WASHC4: variants seen among roughly 807,000 people sequenced by gnomAD.
WASHC4 encodes WASH complex subunit 7.
WASHC4 carries 86 observed loss-of-function variants against 166.6 expected under a neutral mutation model. The ratio of observed to expected loss-of-function variants is 0.52; its 90% CI spans 0.43 to 0.62. The LOEUF (loss-of-function observed/expected upper bound fraction) is 0.62. Among genes scored for constraint, WASHC4 ranks in the 20% least tolerant of loss-of-function variants. WASHC4 has a pLI of 0.00. For missense variants in WASHC4, 1,262 were observed against 1,382.4 expected, an observed-to-expected ratio of 0.91 and a Z score of 1.38; for synonymous variants, 446 against 451.6, an observed-to-expected ratio of 0.99 and a Z score of 0.16.
intron 2 of WASHC4, among the ~76,000 whole-genome samples, chr12:105,113,326 A>G (rs988447821): frequency 3.9e-5 from 6 of 152,078 alleles, no homozygotes; most frequent in Non-Finnish European, 8.8e-5. Flanking sequence ...TCTTCTAGAT[A>G]GGATTATAAA....
rs944631471 is a variant in WASHC4 at position 105,146,460 on chromosome 12, T to A, written c.2343T>A (p.Asp781Glu). The change falls in exon 23 of 33, where the codon GAT (aspartate) becomes GAA (glutamate). Residue 781 changes from aspartate (D) to glutamate (E), a missense_variant. Asp to Glu is a conservative substitution (Grantham distance 45, BLOSUM62 2). Transcript: ENST00000332180. ...TGTGTATTATGTTGTAGGGCCTTGA[T>A]GTTTTAGAAATTATGAGAAACATTC... ...LPSQTLEQGLDVLEIMRNIHI... is the reference protein window; with the variant it reads ...LPSQTLEQGLEVLEIMRNIHI... 1 of 1,573,772 alleles carries A rather than the reference T, an allele frequency of 6.4e-7. No homozygotes were observed.
At chr12:105,149,784 A>AGCT (rs766190565) in intron 25 of WASHC4, 35 bp downstream of exon 25, 11 of 1,575,486 alleles carry the variant, frequency 7.0e-6, no homozygotes, top group Non-Finnish European at 8.7e-6. Context: ...TATTTGATTA[A>AGCT]GCTATTGAGT....
At chr12:105,144,643 G>A in intron 21 of WASHC4, 75 bp from the exon 22 acceptor site, 1 of 1,268,594 alleles carries the variant, frequency 7.9e-7, no homozygotes, top group Non-Finnish European at 1.1e-6. Context: ...AGGACAAGTT[G>A]TTGTTTTTTC....
In WASHC4 at chr12:105,115,245, C is replaced by T; in HGVS notation, c.367+16C>T. ...GGAGAAGGAGGTAAGTTTAAAATTC[C>T]AAATTGTGATGCCTTTTTGATATTG... On this transcript the variant is annotated intron_variant, in intron 5 of 32. Transcript: ENST00000332180. The T allele has an allele frequency of 2.0e-6, 3 of 1,515,326 alleles. No homozygotes were observed. Among genetic ancestry groups the T allele is most frequent in the African/African-American group, 1.4e-5 (1 of 72,916 alleles). The allele number at this position is 1,515,326 out of a possible 1,614,324, so 93.9% of individuals were successfully genotyped here.
At chr12:105,110,013 A>G (rs550155156) in intron 1 of WASHC4, among the ~76,000 whole-genome samples, 3 of 152,316 alleles carry the variant, frequency 2.0e-5, no homozygotes, top group African/African-American at 7.2e-5. Flanking sequence ...GGGCAGTCTT[A>G]TATGTAAGCT....
Position 105,107,794 on chromosome 12 carries a change from C to T in WASHC4, c.-7C>T, listed in dbSNP as rs1018212353. 2 of 1,549,874 alleles carry T rather than the reference C, an allele frequency of 1.3e-6. No individual in the cohort carries two copies. The highest frequency in any genetic ancestry group is 2.0e-5 in the Admixed American group (1 of 50,986). On this transcript the variant is annotated 5_prime_UTR_variant, in exon 1 of 33. Transcript: ENST00000332180. ...TTGGGGCTGTGTCTGTGGGAGGCGC[C>T]GGGGTGATGGCGGTGGAGACTCTGT...
intron 20 of WASHC4, 116 bp from the exon 21 acceptor site, chr12:105,144,171 T>C (rs190514868): frequency 1.0e-5 from 8 of 769,518 alleles, no homozygotes; most frequent in Middle Eastern, 3.0e-4. Flanking sequence ...TTAGAATTTA[T>C]GTAACTGCTT....
Position 105,122,201 on chromosome 12 carries a change from A to G in WASHC4, c.749A>G (p.Lys250Arg), listed in dbSNP as rs771111285. 20 of 1,612,986 alleles carry G rather than the reference A, an allele frequency of 1.2e-5. No homozygotes were observed. Among genetic ancestry groups the G allele is most frequent in the Admixed American group, 6.7e-5 (4 of 60,002 alleles). Residue 250 changes from lysine (K) to arginine (R), a missense_variant, in exon 10 of 33, where the codon AAG becomes AGG. Coordinates refer to ENST00000332180, the MANE Select transcript of WASHC4 (RefSeq NM_015275.3). ...AAGCCATTTGAAAAGTTCTTGCTGA[A>G]GCTAGAAGGGCAATTACTGGATGGA... ...KLKPFEKFLL[K>R]LEGQLLDGMI...
At chr12:105,122,363 A>C in intron 10 of WASHC4, 125 bp downstream of exon 10, 1 of 967,876 alleles carries the variant, frequency 1.0e-6, no homozygotes, top group Non-Finnish European at 1.6e-6. Flanking sequence ...GCTTTGGCTT[A>C]AAATTATTGT....
chr12:105,132,580 A>G (rs941770832), intron 13 of WASHC4, among the ~76,000 whole-genome samples: 1 of 152,204 alleles, frequency 6.6e-6, no homozygotes, highest in African/African-American at 2.4e-5. Flanking sequence ...GAGATTTAGT[A>G]TTTGTAATCA....
intron 2 of WASHC4, among the ~76,000 whole-genome samples, chr12:105,113,831 A>G (rs1879915696): frequency 6.6e-6 from 1 of 151,984 alleles, no homozygotes. Flanking sequence ...ATTTATTTTG[A>G]CCCTTTAGCT....
At chr12:105,150,476 C>T (rs10861357) in intron 25 of WASHC4, among the ~76,000 whole-genome samples, 16,009 of 152,208 alleles carry the variant, frequency 0.11, 903 homozygotes, top group East Asian at 0.23. Flanking sequence ...GATATTCCCA[C>T]TGATAATTTA....
chr12:105,140,157 C>T (rs907826843), intron 15 of WASHC4, 137 bp from the exon 16 acceptor site: 1 of 677,468 alleles, frequency 1.5e-6, no homozygotes, highest in Non-Finnish European at 2.6e-6. Context: ...AGGCGTGAGC[C>T]ACCACGCCAG....
intron 9 of WASHC4, among the ~76,000 whole-genome samples, 173 bp from the exon 10 acceptor site, chr12:105,121,945 A>G (rs1880792153): frequency 6.6e-6 from 1 of 152,200 alleles, no homozygotes; most frequent in Non-Finnish European, 1.5e-5. Flanking sequence ...TTGATTGAAG[A>G]TGATATTAAA....
At chr12:105,131,003 G>A (rs1881751604) in intron 13 of WASHC4, among the ~76,000 whole-genome samples, 1 of 151,996 alleles carries the variant, frequency 6.6e-6, no homozygotes, top group Non-Finnish European at 1.5e-5. Flanking sequence ...GACACTTCAC[G>A]ATTTTTGTAC....
At chr12:105,115,087 C>A in intron 4 of WASHC4, 97 bp from the exon 5 acceptor site, 1 of 651,632 alleles carries the variant, frequency 1.5e-6, no homozygotes, top group Non-Finnish European at 2.8e-6. Flanking sequence ...AATGATGTAG[C>A]CCTCTGTTTA....
In WASHC4 at chr12:105,166,794, C is replaced by A. The variant is rs7965580; in HGVS notation, c.3455-70C>A. The A allele has an allele frequency of 9.0e-4, 1,002 of 1,108,786 alleles. 5 individuals carry two copies. The African/African-American group carries it at 0.013, about 15-fold the overall frequency. 68.7% of individuals were successfully genotyped at this position (1,108,786 alleles called of 1,614,324 possible). A position where few individuals can be genotyped will look rare whatever the true frequency, so the allele number is the denominator to read the frequency against. On this transcript the variant is annotated intron_variant, in intron 32 of 32. Transcript: ENST00000332180. Reference sequence around the variant, plus strand: ...TGGCAATACAGCTCTTCTCAAATTTCTTTTACTTCTTAATTTATTGTTTAA... The same window carrying A: ...TGGCAATACAGCTCTTCTCAAATTTATTTTACTTCTTAATTTATTGTTTAA...
intron 8 of WASHC4, among the ~76,000 whole-genome samples, 171 bp from the exon 9 acceptor site, chr12:105,120,930 C>T (rs10083051): frequency 0.043 from 6,615 of 152,248 alleles, 488 homozygotes; most frequent in African/African-American, 0.15. Context: ...CTATTTAAGA[C>T]TAAAAGACAA....
rs1884899777 is a variant in WASHC4 at position 105,168,084 on chromosome 12, G to C, written c.*1153G>C. 6.6e-6 allele frequency: 1 copy of C among 152,030 alleles called. No individual in the cohort carries two copies. Among genetic ancestry groups the C allele is most frequent in the African/African-American group, 2.4e-5 (1 of 41,426 alleles). The allele number at this position is 152,030 out of a possible 1,614,324, so 9.4% of individuals were successfully genotyped here. On this transcript the variant is annotated 3_prime_UTR_variant, in exon 33 of 33. Transcript: ENST00000332180. ...CTTTCTAATACAAACACCATTTTGG[G>C]AAATGCTTGATTTTTTTCTATTGCA... is the stretch of plus-strand genomic sequence containing the variant.
Sources: allele counts gnomAD v4.1 joint callset (sites outside exome capture counted in the v4.1 genomes callset), GRCh38; gene constraint gnomAD v4.1.1; transcripts MANE v1.5; gene names NCBI Gene and HGNC (gene_info 2026-07-23, HGNC 2026-07-21).